The following WNT6 variants were observed in gnomAD, a reference collection of about 807,000 sequenced individuals.
WNT6 encodes the protein Wnt family member 6, also known as protein Wnt-6.
In WNT6, 27 loss-of-function variants were observed where a neutral mutation model predicts 33.1. That is an observed-to-expected ratio of 0.82 (90% CI 0.60 to 1.12). WNT6 has a LOEUF of 1.12. WNT6 is among the 50% of genes most tolerant of loss of function. The pLI is 0.00. For missense variants in WNT6, 494 were observed against 535.3 expected, an observed-to-expected ratio of 0.92 and a Z score of 0.76; for synonymous variants, 249 against 242.8, an observed-to-expected ratio of 1.03 and a Z score of -0.24.
In WNT6 at chr2:218,871,105, G is replaced by C. The variant is rs62193325; in HGVS notation, c.159G>C (p.Glu53Asp). The C allele has an allele frequency of 6.8e-6, 11 of 1,613,498 alleles. No homozygotes were observed. The highest frequency in any genetic ancestry group is 9.3e-6 in the Non-Finnish European group (11 of 1,179,864). Residue 53 changes from glutamate to aspartate, a missense_variant, in exon 2 of 4, where the codon GAG becomes GAC. Physicochemically the swap from Glu to Asp is conservative, Grantham distance 45. Coordinates refer to ENST00000233948, the MANE Select transcript of WNT6 (RefSeq NM_006522.4). The surrounding 1 kb of genome is among the most constrained non-coding windows in gnomAD (Gnocchi z 6.4). ...GGCGGCTGGCCGGGCGGCAGGCCGAGTTGTGCCAGGCTGAGCCGGAAGTGG... is the reference window on the plus strand; with the variant it reads ...GGCGGCTGGCCGGGCGGCAGGCCGACTTGTGCCAGGCTGAGCCGGAAGTGG... ...KARRLAGRQAELCQAEPEVVA... is the reference protein window; with the variant it reads ...KARRLAGRQADLCQAEPEVVA...
At chr2:218,865,278 C>G (rs1158176461) in intron 1 of WNT6, among the ~76,000 whole-genome samples, 4 of 152,196 alleles carry the variant, frequency 2.6e-5, no homozygotes, top group African/African-American at 9.7e-5. Flanking sequence ...GACGCCTGTC[C>G]TTTGTGGGTC....
Position 218,871,458 on chromosome 2 carries a change from G to T in WNT6, c.302-27G>T, listed in dbSNP as rs760410455. ...GCCCCAGCTGACCGCCCCAGCCCGC[G>T]CTGATTGCACCTGTCTGCATTCACA... On this transcript the variant is annotated intron_variant, in intron 2 of 3. Coordinates refer to ENST00000233948, the MANE Select transcript of WNT6 (RefSeq NM_006522.4). The surrounding 1 kb of genome is among the most constrained non-coding windows in gnomAD (Gnocchi z 6.4). 4 of 1,591,620 alleles carry T rather than the reference G, an allele frequency of 2.5e-6. No homozygotes were observed. In the South Asian group the frequency reaches 4.4e-5, roughly 18 times the overall value.
In WNT6 at chr2:218,861,534, G is replaced by A. The variant is rs1944310237; in HGVS notation, c.80+1417G>A. Among the ~76,000 whole-genome samples, 3 of 152,138 alleles carry A rather than the reference G, an allele frequency of 2.0e-5. No individual in the cohort carries two copies. In the South Asian group the frequency reaches 6.2e-4, roughly 32 times the overall value. ...TTAGGAGGTACTCAGTATGTACAGC[G>A]CCCCCCTCACAACCCAGCTTCTCCT... On this transcript the variant is annotated intron_variant, in intron 1 of 3. Transcript: ENST00000233948.
Position 218,871,413 on chromosome 2 carries a change from C to T in WNT6, c.302-72C>T. The T allele has an allele frequency of 6.5e-7, 1 of 1,544,666 alleles. No homozygotes were observed. Among genetic ancestry groups the T allele is most frequent in the Non-Finnish European group, 8.8e-7 (1 of 1,141,850 alleles). On this transcript the variant is annotated intron_variant, in intron 2 of 3. Transcript: ENST00000233948. This position sits in a 1 kb window ranked among gnomAD's most constrained non-coding sequence, Gnocchi z 6.4. ...CCAGGCCCCTGGGGCAGCCCTCCCG[C>T]CGCAGGTTTCAGGTCCCAGGCCCCA...
Position 218,871,455 on chromosome 2 carries a change from C to T in WNT6, c.302-30C>T, listed in dbSNP as rs936929595. On this transcript the variant is annotated intron_variant, in intron 2 of 3. Coordinates refer to ENST00000233948, the MANE Select transcript of WNT6 (RefSeq NM_006522.4). The surrounding 1 kb of genome is among the most constrained non-coding windows in gnomAD (Gnocchi z 6.4). Reference sequence around the variant, plus strand: ...CAGGCCCCAGCTGACCGCCCCAGCCCGCGCTGATTGCACCTGTCTGCATTC... The same window carrying T: ...CAGGCCCCAGCTGACCGCCCCAGCCTGCGCTGATTGCACCTGTCTGCATTC... The T allele has an allele frequency of 5.0e-6, 8 of 1,589,558 alleles. No homozygotes were observed. The highest frequency in any genetic ancestry group is 3.4e-5 in the Admixed American group (2 of 59,178).
rs1944406783 is a variant in WNT6, at chr2:218,871,994, G to C, written c.636+175G>C. ...GCAAGCATGGATGGACATGTGGGAG[G>C]AGAGGTGTCCAGCCTCCAAGAAGGA... On this transcript the variant is annotated intron_variant, in intron 3 of 3. Coordinates refer to ENST00000233948, the MANE Select transcript of WNT6 (RefSeq NM_006522.4). The surrounding 1 kb of genome is among the most constrained non-coding windows in gnomAD (Gnocchi z 6.4). Among the ~76,000 whole-genome samples the C allele has an allele frequency of 6.6e-6, 1 of 152,022 alleles. No homozygotes were observed. Among genetic ancestry groups the C allele is most frequent in the Non-Finnish European group, 1.5e-5 (1 of 67,980 alleles).
At chr2:218,862,440 G>A (rs1024764078) in intron 1 of WNT6, among the ~76,000 whole-genome samples, 2 of 151,810 alleles carry the variant, frequency 1.3e-5, no homozygotes, top group African/African-American at 2.4e-5. Flanking sequence ...CTGTCTCCCC[G>A]GTTCAAGTGA....
Position 218,871,151 on chromosome 2 carries a change from G to T in WNT6, c.205G>T (p.Ala69Ser). 1.2e-6 allele frequency: 2 copies of T among 1,613,774 alleles called. No individual in the cohort carries two copies. Among genetic ancestry groups the T allele is most frequent in the Non-Finnish European group, 1.7e-6 (2 of 1,179,926 alleles). The part of the protein sequence containing the change: ...PEVVAELARG[A>S]RLGVRECQFQ... The stretch of plus-strand genomic sequence containing the variant: ...AGTGGTGGCAGAGCTAGCTCGGGGC[G>T]CCCGGCTCGGGGTGCGAGAGTGCCA... Residue 69 changes from alanine to serine, a missense_variant, in exon 2 of 4, where the codon GCC (alanine) becomes TCC (serine). Physicochemically the swap from Ala to Ser is moderately conservative, Grantham distance 99 (BLOSUM62 1). Coordinates refer to ENST00000233948, the MANE Select transcript of WNT6 (RefSeq NM_006522.4). This position sits in a 1 kb window ranked among gnomAD's most constrained non-coding sequence, Gnocchi z 6.4.
Position 218,873,843 on chromosome 2 carries a change from T to A in WNT6, c.1096T>A (p.Ter366ArgextTer8). The A allele has an allele frequency of 6.7e-7, 1 of 1,484,806 alleles. No individual in the cohort carries two copies. The highest frequency in any genetic ancestry group is 8.9e-7 in the Non-Finnish European group (1 of 1,122,986). The allele number at this position is 1,484,806 out of a possible 1,614,324, so 92.0% of individuals were successfully genotyped here. ...GCGCAAGGAGCTCAGCCTCTGCCTG[T>A]GACCCGCCGCCCGGCCGCTAGACTG... ...RVRKELSLCL[*>R] Residue 366 changes from the stop codon to arginine, a stop_lost, in exon 4 of 4, where the codon TGA (stop) becomes AGA (arginine). Transcript: ENST00000233948. This position sits in a 1 kb window ranked among gnomAD's most constrained non-coding sequence, Gnocchi z 6.1.
At position 218,871,837 on chromosome 2, in the gene WNT6, GGAGT is replaced by G. The variant is rs767588799; in HGVS notation, c.636+24_636+27del. 2.4e-4 allele frequency: 378 copies of G among 1,560,506 alleles called. No homozygotes were observed. Among genetic ancestry groups the G allele is most frequent in the Non-Finnish European group, 3.1e-4 (354 of 1,154,388 alleles). On this transcript the variant is annotated intron_variant, in intron 3 of 3. Transcript: ENST00000233948. This position sits in a 1 kb window ranked among gnomAD's most constrained non-coding sequence, Gnocchi z 6.4. ...GCAGGCTGGTGCGTACGGGCAGGAT[GGAGT>G]GAGTGTGTGCGGAAATGTGAGTGTG...
At chr2:218,861,330 A>T (rs1271185036) in intron 1 of WNT6, among the ~76,000 whole-genome samples, 7 of 152,220 alleles carry the variant, frequency 4.6e-5, no homozygotes, top group Admixed American at 4.6e-4. Flanking sequence ...CCGGCTTAGT[A>T]TAATGCAGTG....
Position 218,873,447 on chromosome 2 carries a change from C to A in WNT6, c.700C>A (p.Arg234Ser), listed in dbSNP as rs533712317. The A allele has an allele frequency of 1.4e-5, 22 of 1,538,508 alleles. No individual in the cohort carries two copies. In the African/African-American group the frequency reaches 2.7e-4, roughly 19 times the overall value. Residue 234 changes from arginine to serine, a missense_variant, in exon 4 of 4, where the codon CGC becomes AGC. Coordinates refer to ENST00000233948, the MANE Select transcript of WNT6 (RefSeq NM_006522.4). This position sits in a 1 kb window ranked among gnomAD's most constrained non-coding sequence, Gnocchi z 6.1. Reference protein sequence around the residue: ...CHGLSGSCALRTCWQKLPPFR... With the variant: ...CHGLSGSCALSTCWQKLPPFR... ...CGGGCTGTCGGGATCATGCGCGCTG[C>A]GCACCTGCTGGCAGAAGCTGCCTCC...
chr2:218,866,115 A>G (rs1944352642), intron 1 of WNT6, among the ~76,000 whole-genome samples: 1 of 151,632 alleles, frequency 6.6e-6, no homozygotes, highest in Non-Finnish European at 1.5e-5. Flanking sequence ...GTCAGGCAAC[A>G]TTTTTCTGCC....
intron 3 of WNT6, among the ~76,000 whole-genome samples, chr2:218,872,883 A>G (rs1308836871): frequency 6.6e-6 from 1 of 152,038 alleles, no homozygotes; most frequent in African/African-American, 2.4e-5. Context: ...CTGAAGAGGA[A>G]TGTCCGGACA....
Position 218,860,095 on chromosome 2 carries a change from G to T in WNT6, c.58G>T (p.Ala20Ser). 1.3e-6 allele frequency: 2 copies of T among 1,526,074 alleles called. No individual in the cohort carries two copies. Among genetic ancestry groups the T allele is most frequent in the Admixed American group, 2.0e-5 (1 of 50,060 alleles). 94.5% of individuals were successfully genotyped at this position (1,526,074 alleles called of 1,614,324 possible). A position where few individuals can be genotyped will look rare whatever the true frequency, so the allele number is the denominator to read the frequency against. ...GLLLLLLLCP[A>S]HVGGLWWAVG... ...GCTGCTGCTGCTGCTCCTGTGCCCG[G>T]CGCACGTCGGCGGACTGTGGTGGTG... is the stretch of plus-strand genomic sequence containing the variant. The change falls in exon 1 of 4, where the codon GCG (alanine) becomes TCG (serine). Residue 20 changes from alanine to serine, a missense_variant. By Grantham distance (99) the Ala-to-Ser change is moderately conservative. Transcript: ENST00000233948.
intron 1 of WNT6, among the ~76,000 whole-genome samples, chr2:218,866,824 A>G (rs1343764471): frequency 6.6e-6 from 1 of 152,234 alleles, no homozygotes; most frequent in African/African-American, 2.4e-5. Context: ...ATGAATGTCC[A>G]TGCATGAGCT....
At chr2:218,861,332 A>G (rs141970629) in intron 1 of WNT6, among the ~76,000 whole-genome samples, 141 of 152,298 alleles carry the variant, frequency 9.3e-4, no homozygotes, top group African/African-American at 3.1e-3. Context: ...GGCTTAGTAT[A>G]ATGCAGTGGC....
chr2:218,861,249 G>T (rs1334769523), intron 1 of WNT6, among the ~76,000 whole-genome samples: 1 of 152,178 alleles, frequency 6.6e-6, no homozygotes, highest in Admixed American at 6.5e-5. Context: ...AGAGCCGTCC[G>T]ACGCTAGTGT....
rs1323006410 is a variant in WNT6 at position 218,871,630 on chromosome 2, C to T, written c.447C>T (p.Pro149=). Residue 149 remains proline, a synonymous_variant, in exon 3 of 4, where the codon CCC becomes CCT. Coordinates refer to ENST00000233948, the MANE Select transcript of WNT6 (RefSeq NM_006522.4). This position sits in a 1 kb window ranked among gnomAD's most constrained non-coding sequence, Gnocchi z 6.4. The part of the protein sequence containing the change: ...GRAPPRPSGL[P]GTPGPPGPAG... ...CCCCTCCCCGGCCCTCCGGCCTGCCCGGCACCCCCGGACCCCCTGGCCCCG... is the reference window on the plus strand; with the variant it reads ...CCCCTCCCCGGCCCTCCGGCCTGCCTGGCACCCCCGGACCCCCTGGCCCCG... The T allele has an allele frequency of 1.1e-5, 16 of 1,472,554 alleles. No individual in the cohort carries two copies. Among genetic ancestry groups the T allele is most frequent in the African/African-American group, 1.5e-5 (1 of 68,378 alleles). 91.2% of individuals were successfully genotyped at this position (1,472,554 alleles called of 1,614,324 possible).
Sources: allele counts gnomAD v4.1 joint callset (sites outside exome capture counted in the v4.1 genomes callset), GRCh38; gene constraint gnomAD v4.1.1; non-coding constraint Gnocchi (gnomAD v3.1); transcripts MANE v1.5; gene names NCBI Gene and HGNC (gene_info 2026-07-23, HGNC 2026-07-21).